CYRIB: variants seen among roughly 807,000 people sequenced by gnomAD.
The protein encoded by CYRIB is CYFIP related Rac1 interactor B, also known as CYFIP-related Rac1 interactor B.
Under a neutral mutation model 44.2 loss-of-function variants are expected in CYRIB, and 8 were observed. The observed-to-expected ratio is 0.18, with a 90% CI of 0.11 to 0.33. CYRIB has a LOEUF of 0.33. CYRIB is among the 10% of genes least tolerant of loss of function. The pLI is 1.00. For missense variants in CYRIB, 185 were observed against 382.8 expected, an observed-to-expected ratio of 0.48 and a Z score of 4.31; for synonymous variants, 131 against 127.2, an observed-to-expected ratio of 1.03 and a Z score of -0.20.
intron 1 of CYRIB, among the ~76,000 whole-genome samples, chr8:129,925,014 C>T (rs1384990458): frequency 6.6e-6 from 1 of 152,172 alleles, no homozygotes; most frequent in African/African-American, 2.4e-5. Flanking sequence ...TACAAGAGCA[C>T]TACACGCTTT....
intron 2 of CYRIB, chr8:129,949,466 T>G (rs1053188785): frequency 6.6e-6 from 1 of 152,200 alleles, no homozygotes; most frequent in African/African-American, 2.4e-5. Flanking sequence ...CTAGACCAAG[T>G]CTTAGCTCCC....
intron 2 of CYRIB, among the ~76,000 whole-genome samples, chr8:129,969,710 C>A (rs950537435): frequency 2.0e-5 from 3 of 152,210 alleles, no homozygotes; most frequent in Non-Finnish European, 1.5e-5. Context: ...TATGTAATAA[C>A]TGGCTTAGAT....
At chr8:129,876,857 T>C (rs955683150) in intron 3 of CYRIB, among the ~76,000 whole-genome samples, 43 of 152,192 alleles carry the variant, frequency 2.8e-4, no homozygotes, top group African/African-American at 1.0e-3. Context: ...AATATTAAAG[T>C]GCATCTAGAA....
chr8:129,932,673 G>C (rs987974876), intron 1 of CYRIB, among the ~76,000 whole-genome samples: 7 of 152,112 alleles, frequency 4.6e-5, no homozygotes, highest in South Asian at 4.1e-4. Flanking sequence ...TAATTTATTA[G>C]CTTGCAAGTA....
intron 1 of CYRIB, among the ~76,000 whole-genome samples, chr8:129,983,102 C>T (rs574113075): frequency 6.6e-6 from 1 of 151,406 alleles, no homozygotes; most frequent in African/African-American, 2.4e-5. Context: ...TGAGCCCAGG[C>T]GCTCAAGACC....
chr8:129,851,030 C>CCT lies in CYRIB; in HGVS notation c.634-118_634-117dup, dbSNP rs1227739972. The CCT allele has an allele frequency of 4.5e-6, 3 of 665,940 alleles. No homozygotes were observed. The African/African-American group carries it at 5.5e-5, about 12-fold the overall frequency. 41.3% of individuals were successfully genotyped at this position (665,940 alleles called of 1,614,324 possible). A position where few individuals can be genotyped will look rare whatever the true frequency, so the allele number is the denominator to read the frequency against. On this transcript the variant is annotated intron_variant, in intron 8 of 11. Coordinates refer to ENST00000519824, the Ensembl canonical transcript of CYRIB. ...GCAACTTTAAAACCTGGTTCCTACT[C>CCT]CTAATTTTCTAAATAATGCACTAGA...
intron 1 of CYRIB, among the ~76,000 whole-genome samples, chr8:130,006,596 A>ATGTGTATATATATATATATATGTG (rs2097079883): frequency 2.3e-5 from 1 of 42,790 alleles, no homozygotes; most frequent in African/African-American, 1.4e-4. Flanking sequence ...AACACAAATT[A>ATGTGTATATATATATATATATGTG]TATATATATA....
At chr8:129,874,227 G>C (rs923343404) in intron 3 of CYRIB, among the ~76,000 whole-genome samples, 1 of 151,924 alleles carries the variant, frequency 6.6e-6, no homozygotes, top group South Asian at 2.1e-4. Flanking sequence ...CTACTACTGA[G>C]GGTAGACATA....
intron 1 of CYRIB, among the ~76,000 whole-genome samples, chr8:130,008,001 G>A (rs1172430457): frequency 1.3e-5 from 2 of 152,168 alleles, no homozygotes; most frequent in African/African-American, 4.8e-5. Context: ...CTGAGGTCAG[G>A]TGTTCAAGAC....
chr8:129,882,834 G>C (rs956048795), intron 2 of CYRIB, among the ~76,000 whole-genome samples: 14 of 152,020 alleles, frequency 9.2e-5, no homozygotes, highest in African/African-American at 3.4e-4. Flanking sequence ...ACTTGGTCCT[G>C]ACCTATTTGC....
chr8:129,908,624 TA>T (rs2076598009), intron 1 of CYRIB, among the ~76,000 whole-genome samples: 1 of 152,106 alleles, frequency 6.6e-6, no homozygotes. Context: ...TATTTAATAT[TA>T]AAATTACAAT....
chr8:130,016,410 G>GC (rs1188026874), exon 1 of CYRIB: 1 of 149,522 alleles, frequency 6.7e-6, no homozygotes. Flanking sequence ...GCGCGGGAGC[G>GC]CAGGAGCCTC....
chr8:129,979,478 G>T (rs1435388459), intron 1 of CYRIB, among the ~76,000 whole-genome samples: 1 of 152,122 alleles, frequency 6.6e-6, no homozygotes, highest in African/African-American at 2.4e-5. Flanking sequence ...ACTATTAGCT[G>T]GAAACTTCCT....
intron 1 of CYRIB, among the ~76,000 whole-genome samples, chr8:129,999,791 T>A (rs2096866487): frequency 6.6e-6 from 1 of 152,158 alleles, no homozygotes; most frequent in South Asian, 2.1e-4. Context: ...CACGCCCAGA[T>A]AATATTTTTA....
intron 2 of CYRIB, among the ~76,000 whole-genome samples, chr8:129,887,075 G>A (rs2063065107): frequency 6.6e-6 from 1 of 152,128 alleles, no homozygotes; most frequent in African/African-American, 2.4e-5. Flanking sequence ...AGACAATGGG[G>A]AAAATGCCTT....
chr8:129,905,798 CAAT>C (rs1053821834), intron 1 of CYRIB, among the ~76,000 whole-genome samples: 7 of 152,046 alleles, frequency 4.6e-5, no homozygotes, highest in Non-Finnish European at 8.8e-5. Flanking sequence ...AATCAAGACA[CAAT>C]AAAACACTTG....
At chr8:129,856,874 G>A (rs368979649) in intron 5 of CYRIB, among the ~76,000 whole-genome samples, 1 of 152,154 alleles carries the variant, frequency 6.6e-6, no homozygotes, top group African/African-American at 2.4e-5. Flanking sequence ...ACAATAAACT[G>A]TCTCTGAAAT....
chr8:129,926,429 T>C (rs1461090458), intron 1 of CYRIB, among the ~76,000 whole-genome samples: 1 of 152,280 alleles, frequency 6.6e-6, no homozygotes, highest in East Asian at 1.9e-4. Context: ...CACTCTGAAG[T>C]CCAAACCCTT....
At chr8:129,869,279 G>A (rs1228640956) in intron 4 of CYRIB, among the ~76,000 whole-genome samples, 3 of 150,664 alleles carry the variant, frequency 2.0e-5, no homozygotes, top group Non-Finnish European at 4.4e-5. Context: ...CCAGCTACTC[G>A]GGAGGCTGAG....
Sources: allele counts gnomAD v4.1 joint callset (sites outside exome capture counted in the v4.1 genomes callset), GRCh38; gene constraint gnomAD v4.1.1; transcripts MANE v1.5; gene names NCBI Gene and HGNC (gene_info 2026-07-23, HGNC 2026-07-21).